Variants in ATP2B3 observed in about 807,000 individuals in gnomAD.
ATP2B3 encodes plasma membrane calcium-transporting ATPase 3.
A neutral mutation model predicts 70.8 loss-of-function variants in ATP2B3; 12 were observed. That is an observed-to-expected ratio of 0.17 (90% CI 0.11 to 0.27). The LOEUF is 0.27. Ranked by LOEUF, ATP2B3 falls within the 10% of genes least tolerant of loss-of-function variation. The pLI is 1.00. For synonymous variants in ATP2B3, 460 were observed against 497.8 expected (o/e 0.92, Z 1.01); for missense variants, 858 against 1,118.5 (o/e 0.77, Z 3.32).
chrX:153,546,609 G>A (rs782634056), intron 8 of ATP2B3, among the ~76,000 whole-genome samples: 2 of 113,279 alleles, frequency 1.8e-5, no homozygotes, highest in African/African-American at 3.2e-5. Flanking sequence ...GGCAGGTGCC[G>A]ACACCCTGGG....
chrX:153,534,241 C>T (rs1372493611), intron 2 of ATP2B3, among the ~76,000 whole-genome samples: 3 of 111,646 alleles, frequency 2.7e-5, no homozygotes, highest in African/African-American at 6.5e-5. Flanking sequence ...AGGTGAGAGC[C>T]GAAAGCTGCC....
chrX:153,562,906 T>G lies in ATP2B3; in HGVS notation c.3159+664T>G, dbSNP rs1457677703. On this transcript the variant is annotated intron_variant, in intron 20 of 21. Transcript: ENST00000263519. ...CCAGTTCCTGGTGAGGGCTCCTTCC[T>G]GGCTTGCAGACAGCCGCCTCCTCAC... 1.8e-5 allele frequency among the ~76,000 whole-genome samples: 2 copies of G among 112,198 alleles called. 1 individual carries two copies. Among genetic ancestry groups the G allele is most frequent in the South Asian group, 7.4e-4 (2 of 2,714 alleles).
At chrX:153,569,882 A>C in intron 21 of ATP2B3, 1 of 793,916 alleles carries the variant, frequency 1.3e-6, no homozygotes, top group Non-Finnish European at 1.8e-6. Context: ...TTCTTTCTTT[A>C]CCGCCCTGTC....
At chrX:153,536,034 T>C in intron 2 of ATP2B3, 88 bp from the exon 3 acceptor site, 1 of 459,427 alleles carries the variant, frequency 2.2e-6, no homozygotes, top group East Asian at 3.7e-5. Flanking sequence ...ACAGACTGAG[T>C]GAAGATTTGC....
intron 21 of ATP2B3, among the ~76,000 whole-genome samples, chrX:153,577,153 G>A (rs2090867762): frequency 1.8e-5 from 2 of 113,024 alleles, no homozygotes; most frequent in South Asian, 7.2e-4. Flanking sequence ...TCTGGGCCAG[G>A]CTCTGTTGTT....
At chrX:153,531,172 G>A (rs1557001752) in intron 2 of ATP2B3, among the ~76,000 whole-genome samples, 2 of 112,976 alleles carry the variant, frequency 1.8e-5, no homozygotes, top group Non-Finnish European at 3.8e-5. Flanking sequence ...GTGCACACCA[G>A]CCACCAGCAT....
rs782671997 is a variant in ATP2B3, at chrX:153,555,988, T to C, written c.2059-61T>C. On this transcript the variant is annotated intron_variant, in intron 13 of 21. Coordinates refer to ENST00000263519, the MANE Select transcript of ATP2B3 (RefSeq NM_001001344.3). ...GCAGATCTGATGGAGGAAGGGGTAC[T>C]GCCTCAACCCAAAATACGTCTTGCC... 2.0e-5 allele frequency: 24 copies of C among 1,189,146 alleles called. No homozygotes were observed. In the East Asian group the frequency reaches 6.2e-4, roughly 31 times the overall value.
At chrX:153,535,051 G>C (rs1414146689) in intron 2 of ATP2B3, among the ~76,000 whole-genome samples, 1 of 112,871 alleles carries the variant, frequency 8.9e-6, no homozygotes, top group African/African-American at 3.2e-5. Flanking sequence ...TGTGCACTGA[G>C]GCCATTTCAG....
At chrX:153,574,226 T>C (rs1557020728) in intron 21 of ATP2B3, among the ~76,000 whole-genome samples, 1 of 112,481 alleles carries the variant, frequency 8.9e-6, no homozygotes, top group Non-Finnish European at 1.9e-5. Flanking sequence ...TTTCAAGTTG[T>C]GATTCACCTT....
intron 8 of ATP2B3, among the ~76,000 whole-genome samples, chrX:153,546,645 G>A (rs1247870792): frequency 8.8e-6 from 1 of 113,524 alleles, no homozygotes; most frequent in Non-Finnish European, 1.9e-5. Flanking sequence ...GCTGTGAGAC[G>A]CAGGAAGCAG....
intron 2 of ATP2B3, among the ~76,000 whole-genome samples, chrX:153,528,665 C>T (rs1420465122): frequency 8.9e-6 from 1 of 111,952 alleles, no homozygotes; most frequent in African/African-American, 3.3e-5. Context: ...GGTGGGCAAC[C>T]TAGGGCCAGC....
chrX:153,530,576 C>A (rs1767768504), intron 2 of ATP2B3, among the ~76,000 whole-genome samples: 1 of 112,580 alleles, frequency 8.9e-6, no homozygotes, highest in Non-Finnish European at 1.9e-5. Flanking sequence ...GCACCCGGCG[C>A]CGGACAGGCG....
At chrX:153,563,588 C>T (rs1557017107) in intron 20 of ATP2B3, among the ~76,000 whole-genome samples, 1 of 111,973 alleles carries the variant, frequency 8.9e-6, no homozygotes, top group African/African-American at 3.3e-5. Context: ...TTTCCCTCTG[C>T]TACTGCACCT....
In ATP2B3 at chrX:153,549,577, C is replaced by T. The variant is rs1557010416; in HGVS notation, c.1419C>T (p.Asp473=). 8.3e-7 allele frequency: 1 copy of T among 1,211,139 alleles called. No homozygotes were observed. Among genetic ancestry groups the T allele is most frequent in the East Asian group, 3.0e-5 (1 of 33,788 alleles). The change falls in exon 11 of 22, where the codon GAC becomes GAT. Residue 473 remains aspartate (D), a synonymous_variant. Coordinates refer to ENST00000263519, the MANE Select transcript of ATP2B3 (RefSeq NM_001001344.3). ...GCAACGCCACAGCCATCTGCTCCGACAAGACGGGCACGCTCACCACCAACC... is the reference window on the plus strand; with the variant it reads ...GCAACGCCACAGCCATCTGCTCCGATAAGACGGGCACGCTCACCACCAACC... ...TMGNATAICS[D]KTGTLTTNRM...
At chrX:153,561,450 C>CA (rs1557016234) in intron 19 of ATP2B3, among the ~76,000 whole-genome samples, 1 of 112,278 alleles carries the variant, frequency 8.9e-6, no homozygotes, top group Non-Finnish European at 1.9e-5. Context: ...GTTTATGACT[C>CA]AGAGACCCCA....
chrX:153,568,035 T>C (rs1375142471), intron 21 of ATP2B3, among the ~76,000 whole-genome samples: 1 of 111,732 alleles, frequency 8.9e-6, no homozygotes, highest in Admixed American at 9.5e-5. Flanking sequence ...GGTTTCTGCT[T>C]TTTGGGAACC....
chrX:153,565,516 G>T (rs1455416559), intron 21 of ATP2B3, among the ~76,000 whole-genome samples: 1 of 112,608 alleles, frequency 8.9e-6, no homozygotes, highest in Non-Finnish European at 1.9e-5. Flanking sequence ...CGAGCTCAAG[G>T]TTCACTGGTT....
At chrX:153,546,798 A>T (rs191885382) in intron 8 of ATP2B3, among the ~76,000 whole-genome samples, 4 of 113,044 alleles carry the variant, frequency 3.5e-5, no homozygotes, top group African/African-American at 1.3e-4. Context: ...TCACAGGCAG[A>T]GATGACCCAG....
chrX:153,532,217 C>T (rs782179647), intron 2 of ATP2B3, among the ~76,000 whole-genome samples: 2 of 112,566 alleles, frequency 1.8e-5, no homozygotes, highest in East Asian at 5.6e-4. Flanking sequence ...GCTCAAAACT[C>T]AGTGTGTGCC....
Sources: allele counts gnomAD v4.1 joint callset (sites outside exome capture counted in the v4.1 genomes callset), GRCh38; gene constraint gnomAD v4.1.1; transcripts MANE v1.5; gene names NCBI Gene and HGNC (gene_info 2026-07-23, HGNC 2026-07-21).